The following KLF3 variants were observed in gnomAD, a reference collection of about 807,000 sequenced individuals.
KLF3 encodes KLF transcription factor 3.
KLF3 carries 6 observed loss-of-function variants against 32.7 expected under a neutral mutation model. The ratio of observed to expected loss-of-function variants is 0.18; its 90% CI spans 0.10 to 0.36. The LOEUF (loss-of-function observed/expected upper bound fraction) is 0.36. Among genes scored for constraint, KLF3 ranks in the 10% least tolerant of loss-of-function variants. The probability of loss-of-function intolerance (pLI) is 1.00; values close to 1 mark genes in which losing one functional copy is unlikely to be tolerated. For missense variants in KLF3, 338 were observed against 449.7 expected, an observed-to-expected ratio of 0.75 and a Z score of 2.25; for synonymous variants, 145 against 172.8, an observed-to-expected ratio of 0.84 and a Z score of 1.26.
At chr4:38,669,793 T>A (rs541592732) in intron 1 of KLF3, among the ~76,000 whole-genome samples, 33 of 143,502 alleles carry the variant, frequency 2.3e-4, no homozygotes, top group Non-Finnish European at 4.8e-4. Context: ...CTCAGGAGGC[T>A]GAGGCAGGAG....
At chr4:38,689,415 A>G (rs922716542) in intron 3 of KLF3, among the ~76,000 whole-genome samples, 2 of 152,266 alleles carry the variant, frequency 1.3e-5, no homozygotes, top group African/African-American at 4.8e-5. Context: ...GTGAAAACTA[A>G]TGGTGATCAA....
At chr4:38,693,730 CAAGTAATTAGTCATTAGGA>C (rs1284251308) in intron 4 of KLF3, among the ~76,000 whole-genome samples, 2 of 152,106 alleles carry the variant, frequency 1.3e-5, no homozygotes, top group Non-Finnish European at 2.9e-5. Flanking sequence ...TGTGATATAT[CAAGTAATTAGTCATTAGGA>C]AAGTGAATGA....
Position 38,688,031 on chromosome 4 carries a change from T to C in KLF3, c.58-554T>C, listed in dbSNP as rs555499424. On this transcript the variant is annotated intron_variant, in intron 2 of 5. Coordinates refer to ENST00000261438, the MANE Select transcript of KLF3 (RefSeq NM_016531.6). This position sits in a 1 kb window ranked among gnomAD's most constrained non-coding sequence, Gnocchi z 4.9. ...AGGTACTGCCTATCCTGCAGCCCCA[T>C]TCTTGCTTATTATACACAAGTATGA... 2.0e-5 allele frequency among the ~76,000 whole-genome samples: 3 copies of C among 152,330 alleles called. No homozygotes were observed. The South Asian group carries it at 6.2e-4, about 32-fold the overall frequency.
intron 5 of KLF3, 92 bp downstream of exon 5, chr4:38,694,998 T>A (rs1415430737): frequency 8.0e-7 from 1 of 1,249,566 alleles, no homozygotes; most frequent in African/African-American, 1.6e-5. Context: ...TTCAGGCATC[T>A]TGAAAGTCAC....
At position 38,689,755 on chromosome 4, in the gene KLF3, C is replaced by T; in HGVS notation, c.571C>T (p.Pro191Ser). The change falls in exon 4 of 6, where the codon CCT (proline) becomes TCT (serine). Residue 191 changes from proline to serine, a missense_variant. Physicochemically the swap from Pro to Ser is moderately conservative, Grantham distance 74. Coordinates refer to ENST00000261438, the MANE Select transcript of KLF3 (RefSeq NM_016531.6). The part of the protein sequence containing the change: ...QVPVIESYEK[P>S]ISQKKIKIEP... Reference sequence around the variant, plus strand: ...ACCTGTAATTGAATCATATGAGAAGCCTATATCACAGAAAAAAATTAAAAT... The same window carrying T: ...ACCTGTAATTGAATCATATGAGAAGTCTATATCACAGAAAAAAATTAAAAT... The T allele has an allele frequency of 1.2e-6, 2 of 1,602,680 alleles. No individual in the cohort carries two copies. The highest frequency in any genetic ancestry group is 1.7e-6 in the Non-Finnish European group (2 of 1,173,220).
At chr4:38,686,497 A>G (rs1354377439) in intron 2 of KLF3, among the ~76,000 whole-genome samples, 1 of 151,388 alleles carries the variant, frequency 6.6e-6, no homozygotes, top group Non-Finnish European at 1.5e-5. Flanking sequence ...CTTTAAATAG[A>G]CCTTTAGTAT....
chr4:38,685,426 A>G (rs1722663275), intron 2 of KLF3, among the ~76,000 whole-genome samples: 1 of 152,186 alleles, frequency 6.6e-6, no homozygotes, highest in South Asian at 2.1e-4. Context: ...TTCATTTGAG[A>G]ACAGACTTAT....
Position 38,698,176 on chromosome 4 carries a change from C to T in KLF3, c.*913C>T, listed in dbSNP as rs187406004. 6.6e-6 allele frequency: 1 copy of T among 152,182 alleles called. No individual in the cohort carries two copies. The highest frequency in any genetic ancestry group is 1.5e-5 in the Non-Finnish European group (1 of 68,036). 9.4% of individuals were successfully genotyped at this position (152,182 alleles called of 1,614,324 possible). Reference sequence around the variant, plus strand: ...CAACTATCTCCATTCCTACAATGTCCTTAATATGAGATCATCAAACATTGA... The same window carrying T: ...CAACTATCTCCATTCCTACAATGTCTTTAATATGAGATCATCAAACATTGA... On this transcript the variant is annotated 3_prime_UTR_variant, in exon 6 of 6. Coordinates refer to ENST00000261438, the MANE Select transcript of KLF3 (RefSeq NM_016531.6).
chr4:38,693,006 ACT>A (rs1375927452), intron 4 of KLF3, among the ~76,000 whole-genome samples: 5 of 147,962 alleles, frequency 3.4e-5, no homozygotes, highest in African/African-American at 7.4e-5. Flanking sequence ...CCTTATAAAA[ACT>A]CTGTCTGTAA....
At chr4:38,691,284 C>T (rs541236610) in intron 4 of KLF3, among the ~76,000 whole-genome samples, 1 of 152,316 alleles carries the variant, frequency 6.6e-6, no homozygotes, top group South Asian at 2.1e-4. Flanking sequence ...GCCATCTTGT[C>T]ATATCCAACC....
chr4:38,696,932 G>T, intron 5 of KLF3, 150 bp from the exon 6 acceptor site: 1 of 598,532 alleles, frequency 1.7e-6, no homozygotes, highest in Non-Finnish European at 2.8e-6. Context: ...TTTTCTTCTT[G>T]CTTGTCTTGC....
chr4:38,687,164 T>C (rs1722728936), intron 2 of KLF3, among the ~76,000 whole-genome samples: 1 of 152,116 alleles, frequency 6.6e-6, no homozygotes, highest in Non-Finnish European at 1.5e-5. Context: ...ACACATAGGG[T>C]TTTAGAGCTG....
chr4:38,665,508 T>G (rs1722004815), intron 1 of KLF3, among the ~76,000 whole-genome samples: 1 of 152,226 alleles, frequency 6.6e-6, no homozygotes, highest in Non-Finnish European at 1.5e-5. Context: ...GAATGAGACT[T>G]ATTTTTAATA....
chr4:38,669,200 A>G (rs1338778015), intron 1 of KLF3, among the ~76,000 whole-genome samples: 1 of 152,222 alleles, frequency 6.6e-6, no homozygotes, highest in Non-Finnish European at 1.5e-5. Flanking sequence ...TCTGAAGTGC[A>G]TCATTTATCA....
chr4:38,680,694 A>G lies in KLF3; in HGVS notation c.57+12A>G. 1 of 1,596,218 alleles carries G rather than the reference A, an allele frequency of 6.3e-7. No homozygotes were observed. Among genetic ancestry groups the G allele is most frequent in the Non-Finnish European group, 8.6e-7 (1 of 1,163,626 alleles). Reference sequence around the variant, plus strand: ...ACCCTGTCTCAGTGGTAAGTTTTCCAAGATTGAACACCTCGCCTTATTTTT... The same window carrying G: ...ACCCTGTCTCAGTGGTAAGTTTTCCGAGATTGAACACCTCGCCTTATTTTT... On this transcript the variant is annotated intron_variant, in intron 2 of 5. Transcript: ENST00000261438.
intron 1 of KLF3, among the ~76,000 whole-genome samples, chr4:38,677,232 A>G (rs1378185604): frequency 6.6e-6 from 1 of 152,178 alleles, no homozygotes; most frequent in Non-Finnish European, 1.5e-5. Context: ...AAGTGCTGGA[A>G]TTACAGGCAT....
chr4:38,680,742 G>A (rs970885499), intron 2 of KLF3, 60 bp downstream of exon 2: 2 of 1,321,982 alleles, frequency 1.5e-6, no homozygotes, highest in Non-Finnish European at 2.2e-6. Context: ...TAACATTATT[G>A]TGTGTTGAAT....
chr4:38,665,856 C>T (rs1722018692), intron 1 of KLF3, among the ~76,000 whole-genome samples: 1 of 152,286 alleles, frequency 6.6e-6, no homozygotes, highest in South Asian at 2.1e-4. Flanking sequence ...GGATGATCTG[C>T]CTCACCCTAG....
At chr4:38,694,438 C>G (rs1191986121) in intron 4 of KLF3, among the ~76,000 whole-genome samples, 1 of 152,186 alleles carries the variant, frequency 6.6e-6, no homozygotes, top group Non-Finnish European at 1.5e-5. Flanking sequence ...ACCCTTCTTA[C>G]TGTCATTACT....
Sources: allele counts gnomAD v4.1 joint callset (sites outside exome capture counted in the v4.1 genomes callset), GRCh38; gene constraint gnomAD v4.1.1; non-coding constraint Gnocchi (gnomAD v3.1); transcripts MANE v1.5; gene names NCBI Gene and HGNC (gene_info 2026-07-23, HGNC 2026-07-21).